FAM216A: variants seen among roughly 807,000 people sequenced by gnomAD.
FAM216A encodes family with sequence similarity 216 member A, also known as protein FAM216A.
A neutral mutation model predicts 37.6 loss-of-function variants in FAM216A; 26 were observed. The ratio of observed to expected loss-of-function variants is 0.69; its 90% confidence interval spans 0.51 to 0.96. FAM216A has a LOEUF of 0.96. Among genes scored for constraint, FAM216A ranks in the 40% least tolerant of loss-of-function variants. FAM216A has a pLI of 0.00. For missense variants in FAM216A, 326 were observed against 339.3 expected (o/e 0.96, Z 0.31); for synonymous variants, 110 against 121.7 (o/e 0.90, Z 0.64).
chr12:110,480,518 G>A (rs1401968220), intron 2 of FAM216A, among the ~76,000 whole-genome samples: 1 of 151,588 alleles, frequency 6.6e-6, no homozygotes, highest in African/African-American at 2.4e-5. Context: ...GTTTCACCAT[G>A]TAGGCCAGGC....
rs1245378338 is a variant in FAM216A, at chr12:110,490,288, G to A, written c.*151G>A. The A allele has an allele frequency of 3.6e-5, 24 of 668,584 alleles. No individual in the cohort carries two copies. Among genetic ancestry groups the A allele is most frequent in the East Asian group, 2.1e-4 (8 of 38,014 alleles). 41.4% of individuals were successfully genotyped at this position (668,584 alleles called of 1,614,324 possible). A position where few individuals can be genotyped will look rare whatever the true frequency, so the allele number is the denominator to read the frequency against. On this transcript the variant is annotated 3_prime_UTR_variant, in exon 7 of 7. Coordinates refer to ENST00000377673, the MANE Select transcript of FAM216A (RefSeq NM_013300.3). ...CTTAAAACAATGTAATTGGTCTGAT[G>A]TAGTTCCATGTACCAATGATAGTTA...
At chr12:110,480,285 G>C (rs1248927371) in intron 2 of FAM216A, among the ~76,000 whole-genome samples, 1 of 134,642 alleles carries the variant, frequency 7.4e-6, no homozygotes, top group Non-Finnish European at 1.5e-5. Context: ...CTCACTGCAA[G>C]CTCCACCTCC....
At chr12:110,489,495 C>T (rs1006254562) in intron 6 of FAM216A, among the ~76,000 whole-genome samples, 7 of 145,044 alleles carry the variant, frequency 4.8e-5, no homozygotes, top group African/African-American at 1.8e-4. Context: ...AAAAAAAAAA[C>T]TGAAGTAGGG....
At chr12:110,473,028 G>A (rs780044552) in intron 1 of FAM216A, 50 bp from the exon 2 acceptor site, 5 of 537,936 alleles carry the variant, frequency 9.3e-6, no homozygotes, top group South Asian at 7.8e-5. Flanking sequence ...TTCAGTGCTT[G>A]TAACATTGTA....
chr12:110,490,317 A>G lies in FAM216A; in HGVS notation c.*180A>G, dbSNP rs2062804966. The stretch of plus-strand genomic sequence containing the variant: ...TTCCATGTACCAATGATAGTTATGT[A>G]AGAAAATTTACATGTAACATATACT... On this transcript the variant is annotated 3_prime_UTR_variant, in exon 7 of 7. Transcript: ENST00000377673. 1.7e-6 allele frequency: 1 copy of G among 587,454 alleles called. No individual in the cohort carries two copies. The highest frequency in any genetic ancestry group is 2.0e-5 in the South Asian group (1 of 49,036). 36.4% of individuals were successfully genotyped at this position (587,454 alleles called of 1,614,324 possible). A position where few individuals can be genotyped will look rare whatever the true frequency, so the allele number is the denominator to read the frequency against.
At chr12:110,471,960 G>A (rs556216538) in intron 1 of FAM216A, among the ~76,000 whole-genome samples, 58 of 152,278 alleles carry the variant, frequency 3.8e-4, no homozygotes, top group African/African-American at 1.4e-3. Context: ...GGCATGGCGT[G>A]GTGGCTCACA....
chr12:110,468,458 C>T, upstream of FAM216A: 3 of 1,537,052 alleles, frequency 2.0e-6, no homozygotes, highest in Non-Finnish European at 2.6e-6. Context: ...GGGATGCTGT[C>T]TAAGCTTGGA....
chr12:110,474,673 C>G (rs1264251125), intron 2 of FAM216A, among the ~76,000 whole-genome samples: 2 of 112,330 alleles, frequency 1.8e-5, no homozygotes, highest in Admixed American at 2.7e-4. Context: ...GCCTGGGCGA[C>G]AGAGCGAGAC....
In FAM216A at chr12:110,490,044, C is replaced by A; in HGVS notation, c.729C>A (p.His243Gln). The change falls in exon 7 of 7, where the codon CAC (histidine) becomes CAA (glutamine). Residue 243 changes from histidine to glutamine, a missense_variant. Physicochemically the swap from His to Gln is conservative, Grantham distance 24. Transcript: ENST00000377673. ...TTTCTTCAGATGATTCTGAATCACA[C>A]ATGAGTGAAGAAAAAAAGGAAGAAG... ...QTVSSDDSES[H>Q]MSEEKKEEDL... is the part of the protein sequence containing the mutation. 6.7e-7 allele frequency: 1 copy of A among 1,499,504 alleles called. No homozygotes were observed. Among genetic ancestry groups the A allele is most frequent in the Non-Finnish European group, 9.3e-7 (1 of 1,076,786 alleles). 92.9% of individuals were successfully genotyped at this position (1,499,504 alleles called of 1,614,324 possible). A position where few individuals can be genotyped will look rare whatever the true frequency, so the allele number is the denominator to read the frequency against.
At chr12:110,485,309 A>C in intron 3 of FAM216A, 110 bp downstream of exon 3, 21 of 856,156 alleles carry the variant, frequency 2.5e-5, no homozygotes, top group Non-Finnish European at 3.5e-5. Context: ...GACAAGGCAT[A>C]TGCAGTATAA....
At chr12:110,484,889 A>T (rs1042928042) in intron 2 of FAM216A, among the ~76,000 whole-genome samples, 189 bp from the exon 3 acceptor site, 2 of 152,018 alleles carry the variant, frequency 1.3e-5, no homozygotes, top group African/African-American at 4.8e-5. Flanking sequence ...TTTAGTAGAG[A>T]CAGGGTTTCA....
At chr12:110,484,164 C>G (rs898840757) in intron 2 of FAM216A, among the ~76,000 whole-genome samples, 2 of 151,806 alleles carry the variant, frequency 1.3e-5, no homozygotes, top group Non-Finnish European at 2.9e-5. Flanking sequence ...CGCCGTGGCT[C>G]ACGCCTGTAA....
At chr12:110,489,662 G>A (rs370451792) in intron 6 of FAM216A, among the ~76,000 whole-genome samples, 1 of 152,148 alleles carries the variant, frequency 6.6e-6, no homozygotes, top group African/African-American at 2.4e-5. Flanking sequence ...AAACTGTAGG[G>A]GGGGGAGTCC....
intron 2 of FAM216A, among the ~76,000 whole-genome samples, chr12:110,481,053 A>T (rs117942379): frequency 0.02 from 2,971 of 152,292 alleles, 41 homozygotes; most frequent in Middle Eastern, 0.082. Context: ...TATTTCACTT[A>T]GCATGTCTTC....
rs762529977 is a variant in FAM216A, at chr12:110,490,091, A to C, written c.776A>C (p.Gln259Pro). ...KEEDLLNNFMQSMSIEEQGEH... is the reference protein window; with the variant it reads ...KEEDLLNNFMPSMSIEEQGEH... ...GAAGATTTACTAAATAATTTTATGC[A>C]ATCAATGTCAATTGAAGAACAGGGA... The change falls in exon 7 of 7, where the codon CAA (glutamine) becomes CCA (proline). Residue 259 changes from glutamine to proline, a missense_variant. Physicochemically the swap from Gln to Pro is moderately conservative, Grantham distance 76. Transcript: ENST00000377673. 4 of 1,574,490 alleles carry C rather than the reference A, an allele frequency of 2.5e-6. No homozygotes were observed. The highest frequency in any genetic ancestry group is 3.5e-6 in the Non-Finnish European group (4 of 1,143,920).
chr12:110,485,995 T>C (rs2062774712), intron 3 of FAM216A, among the ~76,000 whole-genome samples: 1 of 152,172 alleles, frequency 6.6e-6, no homozygotes, highest in African/African-American at 2.4e-5. Context: ...ACCTCAAAAA[T>C]CATTTTGAGA....
chr12:110,487,203 C>G (rs953449648), intron 5 of FAM216A: 1 of 153,200 alleles, frequency 6.5e-6, no homozygotes, highest in African/African-American at 2.4e-5. Flanking sequence ...GGCGCGATCT[C>G]GGCTCACCGC....
chr12:110,490,165 G>C lies in FAM216A; in HGVS notation c.*28G>C. ...GTCTTGTCTCGTGTATTGAATTCGTGCCAAAGGTGAGGGTAAGGGGTTGTG... is the reference window on the plus strand; with the variant it reads ...GTCTTGTCTCGTGTATTGAATTCGTCCCAAAGGTGAGGGTAAGGGGTTGTG... On this transcript the variant is annotated 3_prime_UTR_variant, in exon 7 of 7. Transcript: ENST00000377673. 5.3e-6 allele frequency: 6 copies of C among 1,126,770 alleles called. No homozygotes were observed. The highest frequency in any genetic ancestry group is 8.2e-6 in the Non-Finnish European group (6 of 735,546). The allele number at this position is 1,126,770 out of a possible 1,614,324, so 69.8% of individuals were successfully genotyped here.
rs551270420 is a variant in FAM216A at position 110,485,304 on chromosome 12, G to A, written c.306+105G>A. 2.0e-4 allele frequency: 184 copies of A among 915,332 alleles called. 1 individual carries two copies. In the African/African-American group the frequency reaches 2.7e-3, roughly 14 times the overall value. The allele number at this position is 915,332 out of a possible 1,614,324, so 56.7% of individuals were successfully genotyped here. A position where few individuals can be genotyped will look rare whatever the true frequency, so the allele number is the denominator to read the frequency against. ...GAGGGTGAGATACTGCAGATGACAAGGCATATGCAGTATAATTGTCTAGGA... is the reference window on the plus strand; with the variant it reads ...GAGGGTGAGATACTGCAGATGACAAAGCATATGCAGTATAATTGTCTAGGA... On this transcript the variant is annotated intron_variant, in intron 3 of 6. Transcript: ENST00000377673.
Sources: gnomAD v4.1 joint callset for allele counts (sites outside exome capture counted in the v4.1 genomes callset) on GRCh38, gnomAD v4.1.1 for gene constraint, MANE v1.5 for transcripts, NCBI Gene and HGNC (gene_info 2026-07-23, HGNC 2026-07-21) for gene names.